The following NFATC3 variants were observed in gnomAD, a reference collection of about 807,000 sequenced individuals.
The protein encoded by NFATC3 is nuclear factor of activated T-cells, cytoplasmic 3.
Under a neutral mutation model 98.6 loss-of-function variants are expected in NFATC3, and 46 were observed. The ratio of observed to expected loss-of-function variants is 0.47; its 90% CI spans 0.37 to 0.60. The LOEUF (loss-of-function observed/expected upper bound fraction) is 0.60. NFATC3 is among the 20% of genes least tolerant of loss of function. The pLI is 0.00. For synonymous variants in NFATC3, 512 were observed against 472.2 expected (o/e 1.08, Z -1.09); for missense variants, 1,256 against 1,295.5 (o/e 0.97, Z 0.47).
intron 1 of NFATC3, among the ~76,000 whole-genome samples, chr16:68,092,181 C>T (rs1035000984): frequency 5.9e-5 from 9 of 152,100 alleles, no homozygotes; most frequent in Non-Finnish European, 1.2e-4. Flanking sequence ...AGGCTGGGCG[C>T]GGTGGCTCTC....
At chr16:68,219,936 T>G (rs1262866208) in intron 9 of NFATC3, among the ~76,000 whole-genome samples, 2 of 152,102 alleles carry the variant, frequency 1.3e-5, no homozygotes, top group Non-Finnish European at 2.9e-5. Flanking sequence ...TAAATAAGAG[T>G]CCTATTGGTA....
In NFATC3 at chr16:68,085,749, C is replaced by T. The variant is rs2034328150; in HGVS notation, c.68C>T (p.Ala23Val). 1 of 1,502,658 alleles carries T rather than the reference C, an allele frequency of 6.7e-7. No homozygotes were observed. Among genetic ancestry groups the T allele is most frequent in the Non-Finnish European group, 8.8e-7 (1 of 1,130,168 alleles). The allele number at this position is 1,502,658 out of a possible 1,614,324, so 93.1% of individuals were successfully genotyped here. A position where few individuals can be genotyped will look rare whatever the true frequency, so the allele number is the denominator to read the frequency against. Residue 23 changes from alanine (A) to valine (V), a missense_variant, in exon 1 of 10, where the codon GCG (alanine) becomes GTG (valine). This residue lies in a region of NFATC3 where 464 missense variants were observed against 465.7 expected (regional missense o/e 1.00). Coordinates refer to ENST00000346183, the MANE Select transcript of NFATC3 (RefSeq NM_173165.3). ...AAACTCGTCTTTGGCGAGGACGGGG[C>T]GCCGGCGCCGCCGCCCCCGGGCTCG... is the stretch of plus-strand genomic sequence containing the variant. ...DFKLVFGEDG[A>V]PAPPPPGSRP...
At chr16:68,146,159 C>G (rs951400398) in intron 3 of NFATC3, among the ~76,000 whole-genome samples, 1 of 152,090 alleles carries the variant, frequency 6.6e-6, no homozygotes, top group African/African-American at 2.4e-5. Flanking sequence ...CATATCAGTG[C>G]TCAGAAAGTT....
At chr16:68,149,124 T>G (rs2038187237) in intron 3 of NFATC3, among the ~76,000 whole-genome samples, 1 of 152,002 alleles carries the variant, frequency 6.6e-6, no homozygotes, top group Non-Finnish European at 1.5e-5. Context: ...ATAGAGAGAA[T>G]GAAGTGGAGG....
chr16:68,166,764 TAAC>T (rs768337197), intron 4 of NFATC3, 76 bp from the exon 5 acceptor site: 79 of 1,158,790 alleles, frequency 6.8e-5, no homozygotes, highest in Middle Eastern at 5.0e-4. Flanking sequence ...TCTGACAAAT[TAAC>T]AATTTCTATG....
chr16:68,202,868 A>G (rs1219321229), intron 9 of NFATC3, among the ~76,000 whole-genome samples: 1 of 152,144 alleles, frequency 6.6e-6, no homozygotes, highest in Non-Finnish European at 1.5e-5. Flanking sequence ...AATAAAAGCC[A>G]TACACAGCCA....
chr16:68,155,399 T>G (rs2038554657), intron 3 of NFATC3, among the ~76,000 whole-genome samples: 1 of 152,030 alleles, frequency 6.6e-6, no homozygotes, highest in Non-Finnish European at 1.5e-5. Context: ...CAAGCCAATC[T>G]CAAAAGACCC....
chr16:68,219,244 A>G (rs909453997), intron 9 of NFATC3, among the ~76,000 whole-genome samples: 1 of 152,088 alleles, frequency 6.6e-6, no homozygotes, highest in East Asian at 1.9e-4. Flanking sequence ...TTAGCTGGGC[A>G]TGGTGGCAGG....
At chr16:68,108,068 T>C (rs2035757651) in intron 1 of NFATC3, among the ~76,000 whole-genome samples, 1 of 152,202 alleles carries the variant, frequency 6.6e-6, no homozygotes, top group Admixed American at 6.5e-5. Flanking sequence ...AGAAGCTCTT[T>C]AGTTTAATTA....
intron 4 of NFATC3, among the ~76,000 whole-genome samples, chr16:68,158,701 C>T (rs540383364): frequency 7.9e-5 from 12 of 152,246 alleles, no homozygotes; most frequent in Admixed American, 7.2e-4. Context: ...GGTTTCCATC[C>T]TAAAGATTGT....
At chr16:68,173,162 T>C (rs1278646230) in intron 5 of NFATC3, among the ~76,000 whole-genome samples, 1 of 151,884 alleles carries the variant, frequency 6.6e-6, no homozygotes, top group Non-Finnish European at 1.5e-5. Flanking sequence ...CTTGGGAGGC[T>C]GAGGTGGGAG....
At chr16:68,202,479 C>CAGGT (rs2040966158) in intron 9 of NFATC3, among the ~76,000 whole-genome samples, 1 of 152,172 alleles carries the variant, frequency 6.6e-6, no homozygotes, top group South Asian at 2.1e-4. Context: ...TGTTCTCTTG[C>CAGGT]ACCTGTTGGT....
intron 4 of NFATC3, among the ~76,000 whole-genome samples, chr16:68,164,977 T>C (rs528583015): frequency 1.6e-4 from 25 of 152,366 alleles, no homozygotes; most frequent in African/African-American, 5.8e-4. Context: ...TTTTCTTGTT[T>C]TATTTTGCTT....
chr16:68,128,764 T>C (rs1330430347), intron 3 of NFATC3, among the ~76,000 whole-genome samples: 1 of 151,744 alleles, frequency 6.6e-6, no homozygotes, highest in Non-Finnish European at 1.5e-5. Flanking sequence ...TGGTGTATGA[T>C]GATTGTGGCT....
chr16:68,138,746 T>C, intron 3 of NFATC3: 1 of 1,288,620 alleles, frequency 7.8e-7, no homozygotes, highest in Non-Finnish European at 1.0e-6. Context: ...TCATCAAAAC[T>C]CTGTATTCTG....
At chr16:68,167,057 T>TA (rs752901216) in intron 5 of NFATC3, 42 bp downstream of exon 5, 21 of 1,567,110 alleles carry the variant, frequency 1.3e-5, no homozygotes, top group Non-Finnish European at 1.7e-5. Flanking sequence ...TTGTGTATAA[T>TA]AGCTTATTTT....
intron 3 of NFATC3, among the ~76,000 whole-genome samples, chr16:68,139,857 C>A (rs1327717284): frequency 6.6e-6 from 1 of 152,044 alleles, no homozygotes; most frequent in African/African-American, 2.4e-5. Context: ...AAGGTAGTAC[C>A]AATAAAGTAT....
rs544151275 is a variant in NFATC3 at position 68,151,224 on chromosome 16, A to G, written c.1402-6645A>G. On this transcript the variant is annotated intron_variant, in intron 3 of 9. Coordinates refer to ENST00000346183, the MANE Select transcript of NFATC3 (RefSeq NM_173165.3). ...AGTTTCAAAGTGAAAAGCCTTGATAATGACTATAGAAGACACAGTGAAGTA... is the reference window on the plus strand; with the variant it reads ...AGTTTCAAAGTGAAAAGCCTTGATAGTGACTATAGAAGACACAGTGAAGTA... Among the ~76,000 whole-genome samples the G allele has an allele frequency of 1.7e-4, 26 of 152,236 alleles. 1 individual carries two copies. Among genetic ancestry groups the G allele is most frequent in the African/African-American group, 6.3e-4 (26 of 41,512 alleles).
chr16:68,093,653 T>A (rs899907513), intron 1 of NFATC3, among the ~76,000 whole-genome samples: 2 of 152,200 alleles, frequency 1.3e-5, no homozygotes, highest in Non-Finnish European at 2.9e-5. Context: ...TGCAAGGTAT[T>A]TTTATGTGCA....
Sources: allele counts gnomAD v4.1 joint callset (sites outside exome capture counted in the v4.1 genomes callset), GRCh38; gene constraint gnomAD v4.1.1; regional missense constraint gnomAD v4.1.1; transcripts MANE v1.5; gene names NCBI Gene and HGNC (gene_info 2026-07-23, HGNC 2026-07-21).